CCDC178: variants seen among roughly 807,000 people sequenced by gnomAD.
CCDC178 encodes the protein coiled-coil domain containing 178.
CCDC178 carries 126 observed loss-of-function variants against 117.4 expected under a neutral mutation model. The observed-to-expected ratio is 1.07, with a 90% CI of 0.93 to 1.24. The LOEUF is 1.24. Ranked by LOEUF, CCDC178 falls within the 50% of genes most tolerant of loss-of-function variation. The pLI is 0.00. For missense variants in CCDC178, 1,030 were observed against 986.9 expected (o/e 1.04, Z -0.59); for synonymous variants, 283 against 313.4 (o/e 0.90, Z 1.02).
chr18:33,099,103 T>C (rs765602217), intron 20 of CCDC178, among the ~76,000 whole-genome samples: 5 of 152,106 alleles, frequency 3.3e-5, no homozygotes, highest in Non-Finnish European at 7.4e-5. Flanking sequence ...CAGTAGATTA[T>C]TGTTGCCTAT....
chr18:33,234,266 T>C (rs1321702812), intron 15 of CCDC178, among the ~76,000 whole-genome samples: 1 of 152,120 alleles, frequency 6.6e-6, no homozygotes, highest in Non-Finnish European at 1.5e-5. Flanking sequence ...TTTCCTTGTA[T>C]TCTCCTTCCC....
intron 20 of CCDC178, among the ~76,000 whole-genome samples, chr18:33,121,099 G>A (rs1392781345): frequency 6.6e-6 from 1 of 152,074 alleles, no homozygotes; most frequent in Non-Finnish European, 1.5e-5. Flanking sequence ...TACTCTAGGT[G>A]TTGCTATGAG....
intron 20 of CCDC178, among the ~76,000 whole-genome samples, chr18:33,205,104 T>C (rs527810798): frequency 6.6e-6 from 1 of 152,184 alleles, no homozygotes; most frequent in South Asian, 2.1e-4. Flanking sequence ...GTGGAATGTC[T>C]CCATTTTCTA....
intron 20 of CCDC178, among the ~76,000 whole-genome samples, chr18:33,173,386 T>G (rs2058627068): frequency 6.6e-6 from 1 of 152,152 alleles, no homozygotes; most frequent in Admixed American, 6.6e-5. Context: ...TACTTGCTAT[T>G]TTCCTTCTAC....
intron 3 of CCDC178, among the ~76,000 whole-genome samples, chr18:33,405,883 T>G (rs966631381): frequency 1.3e-5 from 2 of 152,086 alleles, no homozygotes; most frequent in Non-Finnish European, 1.5e-5. Context: ...ACAGTACTAG[T>G]ACCAAAAATA....
At chr18:33,104,364 T>C (rs2057673734) in intron 20 of CCDC178, among the ~76,000 whole-genome samples, 2 of 151,794 alleles carry the variant, frequency 1.3e-5, no homozygotes, top group African/African-American at 4.8e-5. Context: ...CTGTCATCAT[T>C]AATAGTTACC....
At chr18:33,384,260 G>A (rs2144804454) in intron 5 of CCDC178, among the ~76,000 whole-genome samples, 1 of 152,238 alleles carries the variant, frequency 6.6e-6, no homozygotes, top group African/African-American at 2.4e-5. Flanking sequence ...AAAGAGATGG[G>A]GAGAATGGAA....
rs368024863 is a variant in CCDC178, at chr18:33,245,363, T to C, written c.1475A>G (p.Asp492Gly). The C allele has an allele frequency of 9.3e-6, 15 of 1,605,726 alleles. No individual in the cohort carries two copies. The highest frequency in any genetic ancestry group is 1.3e-5 in the African/African-American group (1 of 74,512). Residue 492 changes from aspartate (D) to glycine (G), a missense_variant, in exon 15 of 23, where the codon GAT becomes GGT. Physicochemically the swap from Asp to Gly is moderately conservative, Grantham distance 94. Transcript: ENST00000383096. ...CTTATAGATGTTCTTGAGATGTTTA[T>C]CATTCTTTAACTTCATTATTGTCAA... ...KYLTIMKLKNDKHLKNIYKEA... is the reference protein window; with the variant it reads ...KYLTIMKLKNGKHLKNIYKEA...
intron 14 of CCDC178, among the ~76,000 whole-genome samples, chr18:33,246,955 T>C (rs900154949): frequency 2.0e-5 from 3 of 151,876 alleles, no homozygotes; most frequent in African/African-American, 7.3e-5. Context: ...AAAGATTGGT[T>C]AATTGGGACC....
rs67153629 is a variant in CCDC178, at chr18:33,331,026, CTTTTTTTTTTTTTTT to C, written c.879+2133_879+2147del. On this transcript the variant is annotated intron_variant, in intron 10 of 22. Coordinates refer to ENST00000383096, the MANE Select transcript of CCDC178 (RefSeq NM_001105528.4). The stretch of plus-strand genomic sequence containing the variant: ...CCTGATAAGCTTTACACAAACATTG[CTTTTTTTTTTTTTTT>C]TTTTTTTTTTTGGTCTGCTAGCATG... Among the ~76,000 whole-genome samples, 43 of 45,054 alleles carry C rather than the reference CTTTTTTTTTTTTTTT, an allele frequency of 9.5e-4. 1 individual carries two copies. In the Admixed American group the frequency reaches 0.01, roughly 11 times the overall value. 29.6% of individuals were successfully genotyped at this position (45,054 alleles called of 152,430 possible).
At chr18:33,156,713 T>A (rs1172518351) in intron 20 of CCDC178, among the ~76,000 whole-genome samples, 1 of 151,592 alleles carries the variant, frequency 6.6e-6, no homozygotes, top group Non-Finnish European at 1.5e-5. Context: ...ATGCTGTAAT[T>A]AAAATACAAA....
intron 21 of CCDC178, among the ~76,000 whole-genome samples, chr18:33,027,427 C>A (rs948856823): frequency 3.3e-5 from 5 of 151,472 alleles, no homozygotes; most frequent in African/African-American, 1.2e-4. Flanking sequence ...GAACTAGAAA[C>A]AGTCACAATT....
chr18:33,218,849 C>A (rs573044722), intron 18 of CCDC178, among the ~76,000 whole-genome samples: 9 of 152,252 alleles, frequency 5.9e-5, no homozygotes, highest in African/African-American at 2.2e-4. Context: ...GTTTTGGTTA[C>A]TGTGGCCTTG....
At chr18:33,118,266 A>T (rs2057887353) in intron 20 of CCDC178, among the ~76,000 whole-genome samples, 1 of 152,026 alleles carries the variant, frequency 6.6e-6, no homozygotes, top group Non-Finnish European at 1.5e-5. Context: ...TCCTCTAGAC[A>T]GGGGACAGAG....
intron 11 of CCDC178, among the ~76,000 whole-genome samples, chr18:33,317,782 A>G (rs981575775): frequency 6.6e-6 from 1 of 152,028 alleles, no homozygotes; most frequent in Non-Finnish European, 1.5e-5. Context: ...CTGAATTTCT[A>G]CCCTGCCTTA....
intron 15 of CCDC178, among the ~76,000 whole-genome samples, chr18:33,235,684 C>T (rs1003373677): frequency 2.6e-5 from 4 of 152,004 alleles, no homozygotes; most frequent in African/African-American, 9.7e-5. Flanking sequence ...AGCAAAAAAC[C>T]CTTCGAGATT....
chr18:33,184,819 A>T (rs533534620), intron 20 of CCDC178, among the ~76,000 whole-genome samples: 52 of 152,208 alleles, frequency 3.4e-4, no homozygotes, highest in African/African-American at 1.2e-3. Context: ...CATAAGTATT[A>T]CAAAATTTTA....
In CCDC178 at chr18:33,412,072, G is replaced by T; in HGVS notation, c.17C>A (p.Thr6Lys). The change falls in exon 3 of 23, where the codon ACA becomes AAA. Residue 6 changes from threonine (T) to lysine (K), a missense_variant. Thr to Lys is a moderately conservative substitution (Grantham distance 78). Transcript: ENST00000383096. ...ATCTCTAGTGGAAGAAGAGGAAACT[G>T]TCTTGTTTTCAGTCATAGTTATAAG... Reference protein sequence around the residue: MTENKTVSSSSTRDDQ... With the variant: MTENKKVSSSSTRDDQ... 6.7e-7 allele frequency: 1 copy of T among 1,496,922 alleles called. No individual in the cohort carries two copies. Among genetic ancestry groups the T allele is most frequent in the Non-Finnish European group, 9.2e-7 (1 of 1,085,058 alleles). 92.7% of individuals were successfully genotyped at this position (1,496,922 alleles called of 1,614,324 possible). A position where few individuals can be genotyped will look rare whatever the true frequency, so the allele number is the denominator to read the frequency against.
chr18:33,080,753 T>G (rs1451580610), intron 21 of CCDC178, among the ~76,000 whole-genome samples: 1 of 152,142 alleles, frequency 6.6e-6, no homozygotes, highest in East Asian at 1.9e-4. Flanking sequence ...TAAATAATAA[T>G]AGAACAAAAA....
Sources: gnomAD v4.1 joint callset for allele counts (sites outside exome capture counted in the v4.1 genomes callset) on GRCh38, gnomAD v4.1.1 for gene constraint, MANE v1.5 for transcripts, NCBI Gene and HGNC (gene_info 2026-07-23, HGNC 2026-07-21) for gene names.